DEPDC1: variants seen among roughly 807,000 people sequenced by gnomAD.
DEPDC1 encodes DEP domain containing 1, also known as DEP domain-containing protein 1A.
DEPDC1 carries 66 observed loss-of-function variants against 86.8 expected under a neutral mutation model. The ratio of observed to expected loss-of-function variants is 0.76; its 90% CI spans 0.62 to 0.93. DEPDC1 has a LOEUF of 0.93. Ranked by LOEUF, DEPDC1 falls within the 40% of genes least tolerant of loss-of-function variation. The pLI is 0.00. For synonymous variants in DEPDC1, 255 were observed against 314.9 expected (o/e 0.81, Z 2.02); for missense variants, 792 against 935.7 (o/e 0.85, Z 2.00).
At chr1:68,481,635 C>CCA (rs1553155780) in intron 8 of DEPDC1, 23 bp from the exon 9 acceptor site, 6 of 1,540,678 alleles carry the variant, frequency 3.9e-6, no homozygotes, top group East Asian at 2.3e-5. Flanking sequence ...AATACCCCCC[C>CCA]AAAAATCATC....
intron 9 of DEPDC1, 107 bp from the exon 10 acceptor site, chr1:68,479,427 A>C (rs184052566): frequency 1.3e-6 from 1 of 779,360 alleles, no homozygotes; most frequent in East Asian, 2.9e-5. Flanking sequence ...AAAAAGTGGT[A>C]AGCAGCCCTC....
chr1:68,474,734 T>C lies in DEPDC1; in HGVS notation c.*2198A>G, dbSNP rs1646103376. 6.6e-6 allele frequency: 1 copy of C among 152,034 alleles called. No homozygotes were observed. Among genetic ancestry groups the C allele is most frequent in the Admixed American group, 6.6e-5 (1 of 15,244 alleles). 9.4% of individuals were successfully genotyped at this position (152,034 alleles called of 1,614,324 possible). On this transcript the variant is annotated 3_prime_UTR_variant, in exon 12 of 12. Coordinates refer to ENST00000456315, the MANE Select transcript of DEPDC1 (RefSeq NM_001114120.3). ...GATCTTTATGTTAGAATGGAATCTA[T>C]CCATGTTCCAGCTTAGGCGAAGCCC...
chr1:68,479,408 A>C, intron 9 of DEPDC1, 88 bp from the exon 10 acceptor site: 2 of 1,039,370 alleles, frequency 1.9e-6, no homozygotes, highest in East Asian at 5.5e-5. Context: ...CATTATGTGA[A>C]GTATTGGGAA....
Position 68,475,446 on chromosome 1 carries a change from T to G in DEPDC1, c.*1486A>C, listed in dbSNP as rs1646108887. 1 of 151,912 alleles carries G rather than the reference T, an allele frequency of 6.6e-6. No homozygotes were observed. The highest frequency in any genetic ancestry group is 1.5e-5 in the Non-Finnish European group (1 of 67,870). The allele number at this position is 151,912 out of a possible 1,614,324, so 9.4% of individuals were successfully genotyped here. ...AGAATTCATTTTGGTTCAATAATTT[T>G]ATAGCCAGGATAAAGTCATATTTAT... On this transcript the variant is annotated 3_prime_UTR_variant, in exon 12 of 12. Transcript: ENST00000456315.
intron 6 of DEPDC1, among the ~76,000 whole-genome samples, chr1:68,485,016 A>T (rs1003689471): frequency 2.0e-5 from 3 of 151,634 alleles, no homozygotes; most frequent in African/African-American, 7.3e-5. Flanking sequence ...TGTGGTATGC[A>T]TCTAGGTTTT....
chr1:68,482,134 G>A lies in DEPDC1; in HGVS notation c.1674C>T (p.Ala558=). The A allele has an allele frequency of 6.2e-7, 1 of 1,612,534 alleles. No homozygotes were observed. The highest frequency in any genetic ancestry group is 1.1e-5 in the South Asian group (1 of 90,944). The change falls in exon 8 of 12, where the codon GCC becomes GCT. Residue 558 remains alanine (A), a synonymous_variant. Coordinates refer to ENST00000456315, the MANE Select transcript of DEPDC1 (RefSeq NM_001114120.3). The stretch of plus-strand genomic sequence containing the variant: ...TTTTGCAGAGTCTTTTATTGATTGT[G>A]GCACTAGACTCTCCGAGTTCACTTT... ...AMESELGESS[A]TINKRLCKST... is the part of the protein sequence containing the mutation.
chr1:68,475,422 G>T lies in DEPDC1; in HGVS notation c.*1510C>A, dbSNP rs560235215. The T allele has an allele frequency of 2.0e-5, 3 of 151,768 alleles. No homozygotes were observed. Among genetic ancestry groups the T allele is most frequent in the African/African-American group, 7.2e-5 (3 of 41,462 alleles). 9.4% of individuals were successfully genotyped at this position (151,768 alleles called of 1,614,324 possible). A position where few individuals can be genotyped will look rare whatever the true frequency, so the allele number is the denominator to read the frequency against. On this transcript the variant is annotated 3_prime_UTR_variant, in exon 12 of 12. Coordinates refer to ENST00000456315, the MANE Select transcript of DEPDC1 (RefSeq NM_001114120.3). Reference sequence around the variant, plus strand: ...TTTTAGTATTCAAATGCCTTAGAAAGAATTCATTTTGGTTCAATAATTTTA... The same window carrying T: ...TTTTAGTATTCAAATGCCTTAGAAATAATTCATTTTGGTTCAATAATTTTA...
chr1:68,485,518 T>C (rs1646187582), intron 6 of DEPDC1, among the ~76,000 whole-genome samples: 1 of 152,068 alleles, frequency 6.6e-6, no homozygotes, highest in Admixed American at 6.6e-5. Flanking sequence ...GCTAAATACA[T>C]TGTTGCTAAT....
chr1:68,495,725 G>A (rs963970699), intron 1 of DEPDC1, among the ~76,000 whole-genome samples: 1 of 152,156 alleles, frequency 6.6e-6, no homozygotes, highest in Non-Finnish European at 1.5e-5. Context: ...CTCTAGCTCT[G>A]CCACTATTGT....
chr1:68,494,049 C>T (rs1177396591), intron 2 of DEPDC1, among the ~76,000 whole-genome samples: 1 of 152,152 alleles, frequency 6.6e-6, no homozygotes, highest in Non-Finnish European at 1.5e-5. Flanking sequence ...TATCCTATTA[C>T]ATGTATTCTT....
At chr1:68,481,297 T>C (rs1646153532) in intron 9 of DEPDC1, 143 bp downstream of exon 9, 1 of 679,208 alleles carries the variant, frequency 1.5e-6, no homozygotes, top group African/African-American at 1.8e-5. Context: ...ATTCTGCTGC[T>C]AGGAAAGGTT....
In DEPDC1 at chr1:68,496,858, C is replaced by CCGAGGTAAAACTGTGAACGGT; in HGVS notation, c.48+93_48+94insACCGTTCACAGTTTTACCTCG. ...GGGATCCTGGGACTCATCCCTCCGA[C>CCGAGGTAAAACTGTGAACGGT]CGAGGTAAAACTGCGAACGGTCGAG... On this transcript the variant is annotated intron_variant, in intron 1 of 11. Transcript: ENST00000456315. The surrounding 1 kb of genome is among the most constrained non-coding windows in gnomAD (Gnocchi z 4.0). The CCGAGGTAAAACTGTGAACGGT allele has an allele frequency of 7.8e-7, 1 of 1,285,468 alleles. No individual in the cohort carries two copies. The highest frequency in any genetic ancestry group is 1.1e-6 in the Non-Finnish European group (1 of 898,716). 79.6% of individuals were successfully genotyped at this position (1,285,468 alleles called of 1,614,324 possible). A position where few individuals can be genotyped will look rare whatever the true frequency, so the allele number is the denominator to read the frequency against.
In DEPDC1 at chr1:68,481,414, ATTCT is replaced by A. The variant is rs761726020; in HGVS notation, c.1935+22_1935+25del. The A allele has an allele frequency of 1.9e-6, 3 of 1,590,194 alleles. No homozygotes were observed. The African/African-American group carries it at 4.0e-5, about 21-fold the overall frequency. On this transcript the variant is annotated intron_variant, in intron 9 of 11. Transcript: ENST00000456315. ...TTATTTTGGTTTATGAATCAGACTT[ATTCT>A]TTCTATAAGAAATCAACTTACCAGT... is the stretch of plus-strand genomic sequence containing the variant.
In DEPDC1 at chr1:68,482,146, T is replaced by C. The variant is rs1295156721; in HGVS notation, c.1662A>G (p.Gly554=). ...SVQTAMESEL[G]ESSATINKRL... ...TTTTATTGATTGTGGCACTAGACTC[T>C]CCGAGTTCACTTTCCATAGCTGTTT... is the stretch of plus-strand genomic sequence containing the variant. Residue 554 remains glycine, a synonymous_variant, in exon 8 of 12, where the codon GGA becomes GGG. Coordinates refer to ENST00000456315, the MANE Select transcript of DEPDC1 (RefSeq NM_001114120.3). 1 of 1,612,816 alleles carries C rather than the reference T, an allele frequency of 6.2e-7. No individual in the cohort carries two copies. Among genetic ancestry groups the C allele is most frequent in the African/African-American group, 1.3e-5 (1 of 74,854 alleles).
intron 7 of DEPDC1, 133 bp from the exon 8 acceptor site, chr1:68,483,030 G>A: frequency 1.1e-6 from 1 of 951,110 alleles, no homozygotes; most frequent in Admixed American, 2.9e-5. Flanking sequence ...CACAGTAGTT[G>A]CTTAATTCAG....
Position 68,497,043 on chromosome 1 carries a change from A to T in DEPDC1, c.-44T>A, listed in dbSNP as rs776757767. On this transcript the variant is annotated 5_prime_UTR_variant, in exon 1 of 12. Coordinates refer to ENST00000456315, the MANE Select transcript of DEPDC1 (RefSeq NM_001114120.3). ...TGGCGTCCATGGCGGCGAAGGCGAC[A>T]CTCAGGCCCAGCGGCCGCGGCAGTG... 1.2e-6 allele frequency: 2 copies of T among 1,604,368 alleles called. No individual in the cohort carries two copies. The highest frequency in any genetic ancestry group is 1.7e-6 in the Non-Finnish European group (2 of 1,173,694).
chr1:68,476,908 T>C lies in DEPDC1; in HGVS notation c.*24A>G. The stretch of plus-strand genomic sequence containing the variant: ...TTCATTTATCAAAGTTCCACAAGTA[T>C]TACATAATTTTTAATTCAGTTAGTT... On this transcript the variant is annotated 3_prime_UTR_variant, in exon 12 of 12. Transcript: ENST00000456315. The C allele has an allele frequency of 6.5e-7, 1 of 1,533,590 alleles. No individual in the cohort carries two copies. Among genetic ancestry groups the C allele is most frequent in the Non-Finnish European group, 8.8e-7 (1 of 1,133,126 alleles). 95.0% of individuals were successfully genotyped at this position (1,533,590 alleles called of 1,614,324 possible).
chr1:68,488,829 T>A, intron 4 of DEPDC1, 87 bp downstream of exon 4: 1 of 903,948 alleles, frequency 1.1e-6, no homozygotes, highest in South Asian at 1.4e-5. Flanking sequence ...ATTAATCTGT[T>A]CTGATTCATT....
At chr1:68,482,966 T>C in intron 7 of DEPDC1, 69 bp from the exon 8 acceptor site, 1 of 1,448,352 alleles carries the variant, frequency 6.9e-7, no homozygotes, top group Non-Finnish European at 9.3e-7. Context: ...ACAAAAACAA[T>C]AGTAAAGTTA....
Sources: allele counts gnomAD v4.1 joint callset (sites outside exome capture counted in the v4.1 genomes callset), GRCh38; gene constraint gnomAD v4.1.1; non-coding constraint Gnocchi (gnomAD v3.1); transcripts MANE v1.5; gene names NCBI Gene and HGNC (gene_info 2026-07-23, HGNC 2026-07-21).